NAALADL2: variants seen among roughly 807,000 people sequenced by gnomAD.
The protein encoded by NAALADL2 is inactive N-acetylated-alpha-linked acidic dipeptidase-like protein 2.
Under a neutral mutation model 87.2 loss-of-function variants are expected in NAALADL2, and 76 were observed. The observed-to-expected ratio is 0.87, with a 90% CI of 0.72 to 1.05. The LOEUF (loss-of-function observed/expected upper bound fraction) is 1.05. Among genes scored for constraint, NAALADL2 ranks in the 50% least tolerant of loss-of-function variants. The probability of loss-of-function intolerance (pLI) is 0.00; values close to 1 mark genes in which losing one functional copy is unlikely to be tolerated. For synonymous variants in NAALADL2, 354 were observed against 331.0 expected (o/e 1.07, Z -0.75); for missense variants, 1,089 against 945.8 (o/e 1.15, Z -1.99).
At chr3:175,519,905 C>T (rs1048600383) in intron 9 of NAALADL2, among the ~76,000 whole-genome samples, 4 of 152,120 alleles carry the variant, frequency 2.6e-5, no homozygotes, top group South Asian at 2.1e-4. Context: ...CAATTAATGA[C>T]GTCAAATTTC....
intron 9 of NAALADL2, among the ~76,000 whole-genome samples, chr3:175,482,589 C>G (rs1295038371): frequency 6.6e-6 from 1 of 151,938 alleles, no homozygotes; most frequent in Non-Finnish European, 1.5e-5. Context: ...ATCATGTTCA[C>G]AATTCACACA....
At chr3:175,289,061 C>T (rs577538582) in intron 4 of NAALADL2, among the ~76,000 whole-genome samples, 132 of 152,112 alleles carry the variant, frequency 8.7e-4, no homozygotes, top group African/African-American at 2.8e-3. Context: ...ATTTAAATAA[C>T]TCTTTTGTAT....
At chr3:175,405,378 T>C (rs924611206) in intron 5 of NAALADL2, among the ~76,000 whole-genome samples, 5 of 152,128 alleles carry the variant, frequency 3.3e-5, no homozygotes, top group African/African-American at 9.7e-5. Context: ...TAAGCTCATT[T>C]TGAGGAGGAT....
At chr3:174,524,754 G>T (rs921644694) in intron 1 of NAALADL2, among the ~76,000 whole-genome samples, 14 of 151,796 alleles carry the variant, frequency 9.2e-5, no homozygotes, top group African/African-American at 3.1e-4. Flanking sequence ...GTCGAGGTTG[G>T]GTCTCACCAT....
At chr3:174,780,817 CATT>C (rs1160824909) in intron 3 of NAALADL2, among the ~76,000 whole-genome samples, 19 of 152,012 alleles carry the variant, frequency 1.2e-4, no homozygotes, top group Non-Finnish European at 2.5e-4. Context: ...TTGATCCTGT[CATT>C]ATGATGCTAG....
At chr3:174,573,708 A>T (rs1028731880) in intron 2 of NAALADL2, among the ~76,000 whole-genome samples, 1 of 152,006 alleles carries the variant, frequency 6.6e-6, no homozygotes, top group African/African-American at 2.4e-5. Context: ...AAGGTGCCAC[A>T]CTTTTTTTAG....
chr3:174,693,953 T>C (rs1728807682), intron 2 of NAALADL2, among the ~76,000 whole-genome samples: 1 of 152,154 alleles, frequency 6.6e-6, no homozygotes, highest in African/African-American at 2.4e-5. Context: ...TTTGCCAGAA[T>C]TAACATTGGA....
At chr3:175,230,750 GTAAAA>G (rs1413601207) in intron 2 of NAALADL2, among the ~76,000 whole-genome samples, 1 of 151,936 alleles carries the variant, frequency 6.6e-6, no homozygotes, top group Non-Finnish European at 1.5e-5. Context: ...AAATTTAAAA[GTAAAA>G]TAAAATAATG....
chr3:175,704,350 A>G (rs915973604), intron 11 of NAALADL2, among the ~76,000 whole-genome samples: 3 of 152,168 alleles, frequency 2.0e-5, no homozygotes, highest in African/African-American at 7.2e-5. Flanking sequence ...TTCCTATTTT[A>G]TGAGTTTCAG....
chr3:174,605,278 G>A lies in NAALADL2; in HGVS notation c.-115+54641G>A, dbSNP rs575247752. Among the ~76,000 whole-genome samples, 237 of 152,290 alleles carry A rather than the reference G, an allele frequency of 1.6e-3. 1 individual carries two copies. Among genetic ancestry groups the A allele is most frequent in the African/African-American group, 5.0e-3 (210 of 41,590 alleles). The stretch of plus-strand genomic sequence containing the variant: ...TTTCTGCATTTCCATCTGAGGTACC[G>A]GGTTCATCTCACTAGGAAGTGCCAG... On this transcript the variant is annotated intron_variant, in intron 2 of 3. Transcript: ENST00000434257.
At chr3:175,011,280 C>CAGAGAG (rs139229550) in intron 1 of NAALADL2, among the ~76,000 whole-genome samples, 333 of 113,510 alleles carry the variant, frequency 2.9e-3, no homozygotes, top group Middle Eastern at 8.7e-3. Flanking sequence ...GACAGAGAGA[C>CAGAGAG]AGAGAGAGAG....
chr3:175,639,147 G>T (rs1023910622), intron 11 of NAALADL2, among the ~76,000 whole-genome samples: 6 of 152,006 alleles, frequency 3.9e-5, no homozygotes, highest in African/African-American at 7.2e-5. Flanking sequence ...CATCATGTTT[G>T]CCCTAATGTT....
chr3:174,489,450 C>T (rs1270357954), intron 1 of NAALADL2, among the ~76,000 whole-genome samples: 3 of 151,930 alleles, frequency 2.0e-5, no homozygotes, highest in Non-Finnish European at 4.4e-5. Flanking sequence ...TTAAATATGA[C>T]ATCAATAGCA....
chr3:175,771,998 G>A (rs973448958), intron 13 of NAALADL2, among the ~76,000 whole-genome samples: 13 of 152,086 alleles, frequency 8.5e-5, no homozygotes, highest in African/African-American at 2.7e-4. Flanking sequence ...CCATGATTCA[G>A]TTACCCTCTA....
chr3:175,024,018 C>T (rs989821748), intron 1 of NAALADL2, among the ~76,000 whole-genome samples: 2 of 151,898 alleles, frequency 1.3e-5, no homozygotes, highest in Non-Finnish European at 2.9e-5. Flanking sequence ...AAATCACTTG[C>T]TTCTACCATT....
At chr3:175,344,596 A>G (rs996103857) in intron 5 of NAALADL2, among the ~76,000 whole-genome samples, 10 of 152,110 alleles carry the variant, frequency 6.6e-5, no homozygotes, top group Middle Eastern at 3.4e-3. Flanking sequence ...ATCTTGGTAT[A>G]TATTATTTAC....
intron 3 of NAALADL2, among the ~76,000 whole-genome samples, chr3:174,816,410 G>A (rs528268569): frequency 1.2e-4 from 11 of 88,610 alleles, no homozygotes; most frequent in Admixed American, 4.8e-4. Context: ...GTGTATGTGT[G>A]TGCGTGTGTG....
chr3:175,108,671 A>G (rs1197072508), intron 2 of NAALADL2, among the ~76,000 whole-genome samples: 1 of 152,020 alleles, frequency 6.6e-6, no homozygotes, highest in Non-Finnish European at 1.5e-5. Flanking sequence ...GCTCTAATTT[A>G]TTAGCCTGAT....
intron 5 of NAALADL2, among the ~76,000 whole-genome samples, chr3:175,381,916 T>G (rs1367143236): frequency 2.0e-5 from 3 of 152,130 alleles, no homozygotes; most frequent in Admixed American, 6.6e-5. Context: ...GTGATGAGAT[T>G]GCTCTTTTGA....
Sources: allele counts gnomAD v4.1 joint callset (sites outside exome capture counted in the v4.1 genomes callset), GRCh38; gene constraint gnomAD v4.1.1; transcripts MANE v1.5; gene names NCBI Gene and HGNC (gene_info 2026-07-23, HGNC 2026-07-21).